Variants in GABRB1 observed in about 807,000 individuals in gnomAD.
GABRB1 encodes gamma-aminobutyric acid receptor subunit beta-1.
A neutral mutation model predicts 51.6 loss-of-function variants in GABRB1; 17 were observed. The observed-to-expected ratio is 0.33, with a 90% CI of 0.23 to 0.49. GABRB1 has a LOEUF of 0.49. Ranked by LOEUF, GABRB1 falls within the 20% of genes least tolerant of loss-of-function variation. GABRB1 has a pLI of 0.99. For missense variants in GABRB1, 410 were observed against 600.6 expected (o/e 0.68, Z 3.32); for synonymous variants, 247 against 218.9 (o/e 1.13, Z -1.14).
At chr4:47,213,767 G>A (rs538479245) in intron 4 of GABRB1, among the ~76,000 whole-genome samples, 1 of 150,782 alleles carries the variant, frequency 6.6e-6, no homozygotes, top group Admixed American at 6.6e-5. Flanking sequence ...CTTCTGTTTT[G>A]GGGGGCCAGT....
rs752138827 is a variant in GABRB1, at chr4:47,320,178, T to C, written c.513T>C (p.Asp171=). Residue 171 remains aspartate, a synonymous_variant, in exon 5 of 9, where the codon GAT becomes GAC. Transcript: ENST00000295454. ...CMMDLRRYPL[D]EQNCTLEIES... ...TGGATCTTCGAAGATATCCATTGGA[T>C]GAGCAGAACTGCACCCTGGAGATCG... 1.5e-5 allele frequency: 24 copies of C among 1,605,316 alleles called. No homozygotes were observed. The highest frequency in any genetic ancestry group is 2.2e-5 in the East Asian group (1 of 44,840).
At chr4:47,361,240 C>A (rs1726795002) in intron 5 of GABRB1, among the ~76,000 whole-genome samples, 1 of 152,038 alleles carries the variant, frequency 6.6e-6, no homozygotes, top group Non-Finnish European at 1.5e-5. Context: ...CTGGCCGTAA[C>A]AACAAAAAAT....
intron 5 of GABRB1, among the ~76,000 whole-genome samples, chr4:47,352,345 G>A (rs1726381514): frequency 6.6e-6 from 1 of 152,104 alleles, no homozygotes; most frequent in Non-Finnish European, 1.5e-5. Flanking sequence ...GTACAAGGAG[G>A]AACTGGTACC....
At chr4:47,185,813 T>A (rs1719154098) in intron 4 of GABRB1, among the ~76,000 whole-genome samples, 1 of 151,788 alleles carries the variant, frequency 6.6e-6, no homozygotes, top group South Asian at 2.1e-4. Context: ...TTTAAAAAAA[T>A]TTAACTTCAA....
intron 3 of GABRB1, among the ~76,000 whole-genome samples, chr4:47,076,485 C>A (rs906510142): frequency 6.6e-6 from 1 of 152,164 alleles, no homozygotes; most frequent in African/African-American, 2.4e-5. Flanking sequence ...GGTGGCCAGA[C>A]CAGATCTCCT....
chr4:47,306,377 G>T (rs1280868579), intron 4 of GABRB1, among the ~76,000 whole-genome samples: 1 of 151,326 alleles, frequency 6.6e-6, no homozygotes, highest in African/African-American at 2.4e-5. Flanking sequence ...AGAAGAAGGT[G>T]CGGGGTAGAG....
chr4:47,358,646 T>C (rs1726678691), intron 5 of GABRB1, among the ~76,000 whole-genome samples: 1 of 152,108 alleles, frequency 6.6e-6, no homozygotes, highest in African/African-American at 2.4e-5. Context: ...GGATCCACAC[T>C]AAGTGACCTC....
At chr4:47,128,522 CAGA>C (rs1208787597) in intron 3 of GABRB1, among the ~76,000 whole-genome samples, 3 of 151,826 alleles carry the variant, frequency 2.0e-5, no homozygotes, top group Admixed American at 6.6e-5. Flanking sequence ...TTATGCTGAA[CAGA>C]AGAAGCTAGA....
At position 47,300,297 on chromosome 4, in the gene GABRB1, TTATC is replaced by T. The variant is rs561242355; in HGVS notation, c.462-19827_462-19824del. ...TGTTAATAGTAAAAAAACAAAGAAA[TTATC>T]TAAATAGCCAGTGATTATTCATTAA... On this transcript the variant is annotated intron_variant, in intron 4 of 8. Transcript: ENST00000295454. 3.8e-3 allele frequency among the ~76,000 whole-genome samples: 583 copies of T among 152,068 alleles called. 1 individual carries two copies. The highest frequency in any genetic ancestry group is 6.3e-3 in the Non-Finnish European group (429 of 67,952).
At chr4:47,411,140 G>A (rs1201317321) in intron 8 of GABRB1, among the ~76,000 whole-genome samples, 1 of 152,134 alleles carries the variant, frequency 6.6e-6, no homozygotes, top group African/African-American at 2.4e-5. Flanking sequence ...AACAGAAACA[G>A]AGCAGTAAAA....
intron 4 of GABRB1, among the ~76,000 whole-genome samples, chr4:47,243,745 C>A (rs1294100751): frequency 6.6e-6 from 1 of 152,178 alleles, no homozygotes; most frequent in Non-Finnish European, 1.5e-5. Flanking sequence ...TATCCTGAGA[C>A]TTTGCTGAAG....
chr4:47,014,501 C>T (rs890455247), intron 1 of GABRB1, among the ~76,000 whole-genome samples: 1 of 152,048 alleles, frequency 6.6e-6, no homozygotes, highest in African/African-American at 2.4e-5. Flanking sequence ...TTTCTGATCA[C>T]CAAAATGTGT....
intron 4 of GABRB1, among the ~76,000 whole-genome samples, chr4:47,230,197 G>T (rs1721088483): frequency 6.6e-6 from 1 of 152,120 alleles, no homozygotes; most frequent in Non-Finnish European, 1.5e-5. Flanking sequence ...GAAGAGTATT[G>T]CTAAGGAATT....
At chr4:47,112,713 T>G (rs1489108654) in intron 3 of GABRB1, among the ~76,000 whole-genome samples, 1 of 151,974 alleles carries the variant, frequency 6.6e-6, no homozygotes, top group Non-Finnish European at 1.5e-5. Flanking sequence ...CTTTATTAAG[T>G]GCCTACCTTG....
intron 4 of GABRB1, among the ~76,000 whole-genome samples, chr4:47,259,927 G>C (rs1419875846): frequency 6.6e-6 from 1 of 152,128 alleles, no homozygotes; most frequent in East Asian, 1.9e-4. Flanking sequence ...ACAGTGGGGT[G>C]TTAAAGTCTC....
At chr4:47,261,469 G>A (rs1183950831) in intron 4 of GABRB1, among the ~76,000 whole-genome samples, 1 of 152,020 alleles carries the variant, frequency 6.6e-6, no homozygotes, top group Admixed American at 6.6e-5. Flanking sequence ...AAAATACCTA[G>A]GAATCCAACT....
chr4:47,123,875 T>C (rs1296650201), intron 3 of GABRB1, among the ~76,000 whole-genome samples: 1 of 79,426 alleles, frequency 1.3e-5, no homozygotes, highest in Non-Finnish European at 2.5e-5. Flanking sequence ...ATATATATCT[T>C]ATATATAATA....
intron 4 of GABRB1, among the ~76,000 whole-genome samples, chr4:47,277,156 C>T (rs187346799): frequency 8.3e-4 from 126 of 152,144 alleles, no homozygotes; most frequent in Non-Finnish European, 1.5e-3. Flanking sequence ...ACCAATAAAA[C>T]ATCAATGGAG....
chr4:47,230,685 T>C (rs1721110159), intron 4 of GABRB1, among the ~76,000 whole-genome samples: 1 of 152,200 alleles, frequency 6.6e-6, no homozygotes, highest in Admixed American at 6.5e-5. Context: ...CATGTGAGAA[T>C]AGTGTTCTGT....
Sources: gnomAD v4.1 joint callset for allele counts (sites outside exome capture counted in the v4.1 genomes callset) on GRCh38, gnomAD v4.1.1 for gene constraint, MANE v1.5 for transcripts, NCBI Gene and HGNC (gene_info 2026-07-23, HGNC 2026-07-21) for gene names.